FZD3: variants seen among roughly 807,000 people sequenced by gnomAD.
FZD3 encodes frizzled class receptor 3.
In FZD3, 30 loss-of-function variants were observed where a neutral mutation model predicts 60.7. The observed-to-expected ratio is 0.49, with a 90% CI of 0.37 to 0.67. The LOEUF is 0.67. FZD3 is among the 30% of genes least tolerant of loss of function. The probability of loss-of-function intolerance (pLI) is 0.00; values close to 1 mark genes in which losing one functional copy is unlikely to be tolerated. For missense variants in FZD3, 605 were observed against 838.7 expected, an observed-to-expected ratio of 0.72 and a Z score of 3.44; for synonymous variants, 246 against 275.2, an observed-to-expected ratio of 0.89 and a Z score of 1.05.
rs1805710564 is a variant in FZD3 at position 28,566,684 on chromosome 8, A to G, written c.*3673A>G. 1 of 152,188 alleles carries G rather than the reference A, an allele frequency of 6.6e-6. No homozygotes were observed. The highest frequency in any genetic ancestry group is 2.4e-5 in the African/African-American group (1 of 41,438). 9.4% of individuals were successfully genotyped at this position (152,188 alleles called of 1,614,324 possible). On this transcript the variant is annotated 3_prime_UTR_variant, in exon 8 of 8. Coordinates refer to ENST00000240093, the MANE Select transcript of FZD3 (RefSeq NM_017412.4). ...TTGCTGGAGCTTAGAAAATATTAAC[A>G]TACCAAAATTTCATTATGATGATAT...
intron 5 of FZD3, among the ~76,000 whole-genome samples, chr8:28,550,935 G>C (rs10090815): frequency 0.036 from 5,490 of 152,098 alleles, 299 homozygotes; most frequent in African/African-American, 0.12. Context: ...AACTATCACT[G>C]TTTTCCTTCT....
chr8:28,560,364 G>A (rs936556363), intron 7 of FZD3, among the ~76,000 whole-genome samples: 2 of 152,074 alleles, frequency 1.3e-5, no homozygotes, highest in Non-Finnish European at 2.9e-5. Context: ...AATAAACTTG[G>A]TAATTCCTAC....
At chr8:28,520,072 TG>T (rs1305871032) in intron 3 of FZD3, among the ~76,000 whole-genome samples, 1 of 151,790 alleles carries the variant, frequency 6.6e-6, no homozygotes, top group African/African-American at 2.4e-5. Context: ...TATCTGGGCA[TG>T]GTGGTGCATG....
intron 3 of FZD3, among the ~76,000 whole-genome samples, chr8:28,515,461 T>C (rs529810226): frequency 6.6e-6 from 1 of 152,322 alleles, no homozygotes; most frequent in South Asian, 2.1e-4. Context: ...ATTTGACTTA[T>C]GGTTTTATAT....
intron 1 of FZD3, among the ~76,000 whole-genome samples, chr8:28,497,733 T>C (rs1428748015): frequency 6.6e-6 from 1 of 152,200 alleles, no homozygotes; most frequent in Non-Finnish European, 1.5e-5. Context: ...TTGCTGAACA[T>C]AATCTTTTGT....
At chr8:28,550,645 C>G (rs1805391622) in intron 5 of FZD3, among the ~76,000 whole-genome samples, 1 of 151,854 alleles carries the variant, frequency 6.6e-6, no homozygotes. Flanking sequence ...GTGCCTGCCA[C>G]CATGCCCAGC....
rs1022130927 is a variant in FZD3, at chr8:28,567,080, C to T, written c.*4069C>T. 1 of 152,226 alleles carries T rather than the reference C, an allele frequency of 6.6e-6. No homozygotes were observed. The highest frequency in any genetic ancestry group is 6.5e-5 in the Admixed American group (1 of 15,276). The allele number at this position is 152,226 out of a possible 1,614,324, so 9.4% of individuals were successfully genotyped here. A position where few individuals can be genotyped will look rare whatever the true frequency, so the allele number is the denominator to read the frequency against. On this transcript the variant is annotated 3_prime_UTR_variant, in exon 8 of 8. Transcript: ENST00000240093. ...CATTATAACCTTGAACTCCTAGGCTCAAGCAGTCCTCCAGCTTCAGCCTCC... is the reference window on the plus strand; with the variant it reads ...CATTATAACCTTGAACTCCTAGGCTTAAGCAGTCCTCCAGCTTCAGCCTCC...
intron 3 of FZD3, among the ~76,000 whole-genome samples, chr8:28,518,869 C>G (rs1563388056): frequency 6.6e-6 from 1 of 152,170 alleles, no homozygotes; most frequent in Non-Finnish European, 1.5e-5. Context: ...CCTGTTTGTG[C>G]TTTCCTTCTC....
intron 5 of FZD3, among the ~76,000 whole-genome samples, chr8:28,536,491 T>C (rs1450180611): frequency 6.6e-6 from 1 of 152,190 alleles, no homozygotes; most frequent in African/African-American, 2.4e-5. Flanking sequence ...GTGGATCACC[T>C]GAGGTTGGGA....
At chr8:28,559,488 A>G (rs1008240843) in intron 7 of FZD3, among the ~76,000 whole-genome samples, 8 of 151,860 alleles carry the variant, frequency 5.3e-5, no homozygotes, top group Non-Finnish European at 7.4e-5. Context: ...TACTAGGCAT[A>G]TATATATATA....
intron 5 of FZD3, among the ~76,000 whole-genome samples, chr8:28,538,676 G>C (rs1004603041): frequency 7.2e-5 from 11 of 152,030 alleles, no homozygotes; most frequent in Admixed American, 2.6e-4. Context: ...TAGTCACTAA[G>C]TTTATACTTT....
At chr8:28,533,118 T>A (rs998633159) in intron 5 of FZD3, among the ~76,000 whole-genome samples, 4 of 152,234 alleles carry the variant, frequency 2.6e-5, no homozygotes, top group Non-Finnish European at 4.4e-5. Flanking sequence ...TGTTCATTTT[T>A]AAAATGTTTT....
rs1167349659 is a variant in FZD3 at position 28,564,176 on chromosome 8, C to T, written c.*1165C>T. ...TGTAGCTAAATGAAGCATGATTAGT[C>T]TTAGTATGAATATCATTTAATCTTT... On this transcript the variant is annotated 3_prime_UTR_variant, in exon 8 of 8. Coordinates refer to ENST00000240093, the MANE Select transcript of FZD3 (RefSeq NM_017412.4). The T allele has an allele frequency of 3.9e-5, 6 of 152,358 alleles. No individual in the cohort carries two copies. The highest frequency in any genetic ancestry group is 7.3e-5 in the African/African-American group (3 of 41,354). 9.4% of individuals were successfully genotyped at this position (152,358 alleles called of 1,614,324 possible).
intron 3 of FZD3, among the ~76,000 whole-genome samples, chr8:28,503,721 T>G (rs1267153665): frequency 6.6e-6 from 1 of 152,220 alleles, no homozygotes; most frequent in Non-Finnish European, 1.5e-5. Context: ...GGTTTTAGAA[T>G]TGAGGACAGG....
chr8:28,541,367 CT>C (rs1173801647), intron 5 of FZD3, among the ~76,000 whole-genome samples: 2 of 152,220 alleles, frequency 1.3e-5, no homozygotes, highest in Non-Finnish European at 2.9e-5. Flanking sequence ...GCAAAATGTT[CT>C]GTGTTACATC....
chr8:28,499,502 A>T (rs909617257), intron 1 of FZD3, among the ~76,000 whole-genome samples: 2 of 152,066 alleles, frequency 1.3e-5, no homozygotes, highest in East Asian at 1.9e-4. Flanking sequence ...GTTGTGCATC[A>T]TGTGTACTTA....
intron 7 of FZD3, among the ~76,000 whole-genome samples, chr8:28,559,590 C>T (rs1247469862): frequency 6.6e-6 from 1 of 152,140 alleles, no homozygotes. Context: ...GACAGTGGCA[C>T]CCTACTGAAG....
chr8:28,531,120 A>G (rs1158626293), intron 5 of FZD3, among the ~76,000 whole-genome samples: 1 of 152,074 alleles, frequency 6.6e-6, no homozygotes, highest in Admixed American at 6.6e-5. Context: ...GTTCCTTTCC[A>G]TATTTCCATT....
chr8:28,533,283 C>T lies in FZD3; in HGVS notation c.1404+5119C>T, dbSNP rs537294198. Among the ~76,000 whole-genome samples the T allele has an allele frequency of 1.3e-3, 198 of 152,140 alleles. 1 individual carries two copies. The highest frequency in any genetic ancestry group is 4.5e-3 in the African/African-American group (186 of 41,516). On this transcript the variant is annotated intron_variant, in intron 5 of 7. Transcript: ENST00000240093. Reference sequence around the variant, plus strand: ...AAACTCCTGGCCTCAGGGATCCTCCCTCTTCAGCCTCCCAAAGCACTGGGA... The same window carrying T: ...AAACTCCTGGCCTCAGGGATCCTCCTTCTTCAGCCTCCCAAAGCACTGGGA...
Sources: allele counts gnomAD v4.1 joint callset (sites outside exome capture counted in the v4.1 genomes callset), GRCh38; gene constraint gnomAD v4.1.1; transcripts MANE v1.5; gene names NCBI Gene and HGNC (gene_info 2026-07-23, HGNC 2026-07-21).